Variants in FAM169A observed in about 807,000 individuals in gnomAD.
FAM169A encodes soluble lamin-associated protein of 75 kDa.
FAM169A carries 24 observed loss-of-function variants against 75.7 expected under a neutral mutation model. The observed-to-expected ratio is 0.32, with a 90% CI of 0.23 to 0.45. The LOEUF is 0.45. Among genes scored for constraint, FAM169A ranks in the 20% least tolerant of loss-of-function variants. FAM169A has a pLI of 1.00. For missense variants in FAM169A, 673 were observed against 784.0 expected (o/e 0.86, Z 1.69); for synonymous variants, 271 against 271.0 (o/e 1.00, Z 0.00).
chr5:74,795,006 C>G (rs1746194617), intron 11 of FAM169A, among the ~76,000 whole-genome samples: 1 of 152,034 alleles, frequency 6.6e-6, no homozygotes, highest in Non-Finnish European at 1.5e-5. Flanking sequence ...GCCTGTAATC[C>G]CAGCACTTTG....
At chr5:74,862,480 T>C (rs1750088488) in intron 1 of FAM169A, among the ~76,000 whole-genome samples, 1 of 152,202 alleles carries the variant, frequency 6.6e-6, no homozygotes, top group Non-Finnish European at 1.5e-5. Context: ...CAAGTTCAAC[T>C]GTCACTGCCT....
At chr5:74,836,769 G>A (rs1228375602) in intron 4 of FAM169A, among the ~76,000 whole-genome samples, 12 of 152,160 alleles carry the variant, frequency 7.9e-5, no homozygotes, top group African/African-American at 2.4e-4. Context: ...CCAACATGGC[G>A]AAACCGCATC....
intron 10 of FAM169A, chr5:74,799,712 C>T: frequency 1.6e-6 from 2 of 1,229,574 alleles, no homozygotes; most frequent in Non-Finnish European, 2.4e-6. Flanking sequence ...GTGCATGTCT[C>T]AATCTGAAGA....
intron 6 of FAM169A, among the ~76,000 whole-genome samples, chr5:74,805,523 G>A (rs957978360): frequency 2.8e-5 from 3 of 105,624 alleles, no homozygotes; most frequent in Non-Finnish European, 5.4e-5. Context: ...AATGTGCTTC[G>A]CTTTTTTTTT....
chr5:74,791,471 A>G (rs1199158347), intron 11 of FAM169A, among the ~76,000 whole-genome samples: 1 of 152,200 alleles, frequency 6.6e-6, no homozygotes, highest in African/African-American at 2.4e-5. Flanking sequence ...CAATGATTCC[A>G]TTAAACTGGA....
intron 1 of FAM169A, among the ~76,000 whole-genome samples, chr5:74,849,581 G>T (rs1479446243): frequency 6.6e-6 from 1 of 151,686 alleles, no homozygotes; most frequent in Non-Finnish European, 1.5e-5. Flanking sequence ...AATAGGTTAG[G>T]TATCCAGGCA....
At chr5:74,845,822 G>C (rs943570257) in intron 1 of FAM169A, among the ~76,000 whole-genome samples, 5 of 152,124 alleles carry the variant, frequency 3.3e-5, no homozygotes, top group African/African-American at 1.2e-4. Context: ...GGTAGAAAAG[G>C]ATCACAAAAT....
chr5:74,782,834 T>C lies in FAM169A; in HGVS notation c.1464+97A>G, dbSNP rs767024157. The C allele has an allele frequency of 5.3e-4, 402 of 758,634 alleles. 3 individuals are homozygous for C. The highest frequency in any genetic ancestry group is 7.7e-4 in the Middle Eastern group (2 of 2,584). 47.0% of individuals were successfully genotyped at this position (758,634 alleles called of 1,614,324 possible). On this transcript the variant is annotated intron_variant, in intron 12 of 12. Transcript: ENST00000687041. ...GTTAATCTTCCTAAAGCACTGTACATGTAAAGGTGGAAGCAAATATATATA... is the reference window on the plus strand; with the variant it reads ...GTTAATCTTCCTAAAGCACTGTACACGTAAAGGTGGAAGCAAATATATATA...
chr5:74,860,827 T>TAA (rs11293001), intron 1 of FAM169A, among the ~76,000 whole-genome samples: 30 of 71,598 alleles, frequency 4.2e-4, no homozygotes, highest in Non-Finnish European at 5.9e-4. Flanking sequence ...AATGTAGCAC[T>TAA]AAAAAAAAAA....
chr5:74,827,669 C>CTTT (rs555386249), intron 5 of FAM169A, among the ~76,000 whole-genome samples: 1 of 138,762 alleles, frequency 7.2e-6, no homozygotes, highest in African/African-American at 2.6e-5. Flanking sequence ...TGGAGCTTAT[C>CTTT]TTTTTTTTTT....
At chr5:74,812,085 A>G (rs1747223958) in intron 6 of FAM169A, among the ~76,000 whole-genome samples, 1 of 152,216 alleles carries the variant, frequency 6.6e-6, no homozygotes, top group Non-Finnish European at 1.5e-5. Context: ...TGGATGGTAC[A>G]TGCTGACATA....
intron 2 of FAM169A, among the ~76,000 whole-genome samples, chr5:74,840,951 T>A (rs563655251): frequency 6.6e-6 from 1 of 152,312 alleles, no homozygotes; most frequent in South Asian, 2.1e-4. Flanking sequence ...TATTTAGAGA[T>A]AACATTACAA....
chr5:74,800,030 T>G (rs1746482304), intron 10 of FAM169A: 1 of 753,426 alleles, frequency 1.3e-6, no homozygotes. Flanking sequence ...ATTGCACTAC[T>G]GGCATCGATG....
rs1745348521 is a variant in FAM169A at position 74,780,306 on chromosome 5, G to A, written c.*1154C>T. 6.6e-6 allele frequency: 1 copy of A among 152,092 alleles called. No homozygotes were observed. Among genetic ancestry groups the A allele is most frequent in the African/African-American group, 2.4e-5 (1 of 41,420 alleles). 9.4% of individuals were successfully genotyped at this position (152,092 alleles called of 1,614,324 possible). On this transcript the variant is annotated 3_prime_UTR_variant, in exon 13 of 13. Coordinates refer to ENST00000687041, the MANE Select transcript of FAM169A (RefSeq NM_001376049.1). ...CCTGCCATATAGGTCTAACACTGGG[G>A]GCAGTTTTACTCCTGCCATATAGGT...
At chr5:74,806,046 C>A (rs1746866554) in intron 6 of FAM169A, among the ~76,000 whole-genome samples, 1 of 148,342 alleles carries the variant, frequency 6.7e-6, no homozygotes, top group Non-Finnish European at 1.5e-5. Context: ...AGAGACTTGT[C>A]CAAGTAGATA....
At chr5:74,802,370 G>A (rs768659015) in intron 8 of FAM169A, among the ~76,000 whole-genome samples, 27 of 150,510 alleles carry the variant, frequency 1.8e-4, no homozygotes, top group Non-Finnish European at 3.5e-4. Flanking sequence ...ATCACAAATT[G>A]TACCATTTTT....
intron 10 of FAM169A, chr5:74,799,588 G>C: frequency 6.8e-7 from 1 of 1,477,998 alleles, no homozygotes; most frequent in South Asian, 1.1e-5. Context: ...GTCAGAGTCT[G>C]GTGGCGGTGG....
chr5:74,800,143 G>A (rs776072521), intron 10 of FAM169A: 26 of 476,660 alleles, frequency 5.5e-5, no homozygotes, highest in South Asian at 8.4e-5. Flanking sequence ...GCCGTGGCAC[G>A]ATGGCTAGGA....
rs558819695 is a variant in FAM169A at position 74,813,020 on chromosome 5, A to G, written c.670+820T>C. ...AATGAAGTACTAATTTACGTACAAC[A>G]AGAATGAACCTTAAAAACATGCTAA... On this transcript the variant is annotated intron_variant, in intron 6 of 12. Coordinates refer to ENST00000687041, the MANE Select transcript of FAM169A (RefSeq NM_001376049.1). Among the ~76,000 whole-genome samples the G allele has an allele frequency of 2.1e-4, 32 of 152,354 alleles. No individual in the cohort carries two copies. The South Asian group carries it at 4.8e-3, about 23-fold the overall frequency.
Sources: gnomAD v4.1 joint callset for allele counts (sites outside exome capture counted in the v4.1 genomes callset) on GRCh38, gnomAD v4.1.1 for gene constraint, MANE v1.5 for transcripts, NCBI Gene and HGNC (gene_info 2026-07-23, HGNC 2026-07-21) for gene names.